The following RFX3 variants were observed in gnomAD, a reference collection of about 807,000 sequenced individuals.
RFX3 encodes regulatory factor X3, also known as transcription factor RFX3.
In RFX3, 14 loss-of-function variants were observed where a neutral mutation model predicts 98.6. The observed-to-expected ratio is 0.14, with a 90% confidence interval of 0.09 to 0.22. The LOEUF (loss-of-function observed/expected upper bound fraction) is 0.22. Among genes scored for constraint, RFX3 ranks in the 10% least tolerant of loss-of-function variants. The pLI is 1.00. For missense variants in RFX3, 639 were observed against 926.9 expected, an observed-to-expected ratio of 0.69 and a Z score of 4.03; for synonymous variants, 383 against 328.4, an observed-to-expected ratio of 1.17 and a Z score of -1.80.
intron 2 of RFX3, among the ~76,000 whole-genome samples, chr9:3,353,836 G>A (rs1229099670): frequency 1.3e-5 from 2 of 151,924 alleles, no homozygotes; most frequent in East Asian, 3.9e-4. Flanking sequence ...CCTGTAATCA[G>A]GAGAAAAATC....
At chr9:3,288,297 A>C in intron 6 of RFX3, 47 bp from the exon 7 acceptor site, 1 of 1,573,716 alleles carries the variant, frequency 6.4e-7, no homozygotes, top group Non-Finnish European at 8.7e-7. Flanking sequence ...CAGTCAAACT[A>C]ATATTAATCA....
chr9:3,319,852 C>T (rs372929258), intron 4 of RFX3, among the ~76,000 whole-genome samples: 19 of 125,204 alleles, frequency 1.5e-4, no homozygotes, highest in African/African-American at 7.1e-4. Context: ...AGTCAGTGAC[C>T]GAAAAAAAAA....
chr9:3,395,245 T>C (rs1217856012), intron 2 of RFX3, among the ~76,000 whole-genome samples: 1 of 152,220 alleles, frequency 6.6e-6, no homozygotes, highest in Non-Finnish European at 1.5e-5. Flanking sequence ...TGTTTGAGAA[T>C]ACAGATTATA....
intron 1 of RFX3, among the ~76,000 whole-genome samples, chr9:3,505,112 ATTTTATT>A (rs1240380051): frequency 1.0e-5 from 1 of 98,364 alleles, no homozygotes; most frequent in African/African-American, 4.2e-5. Context: ...TTTATTTTAT[ATTTTATT>A]TTTATATATT....
chr9:3,467,331 CGTGT>C (rs35413443), intron 1 of RFX3, among the ~76,000 whole-genome samples: 1 of 144,890 alleles, frequency 6.9e-6, no homozygotes, highest in Non-Finnish European at 1.5e-5. Context: ...TGTGTATGTA[CGTGT>C]GTGTGTGTGT....
intron 7 of RFX3, among the ~76,000 whole-genome samples, chr9:3,282,529 A>T (rs991882406): frequency 6.6e-6 from 1 of 151,738 alleles, no homozygotes; most frequent in African/African-American, 2.4e-5. Flanking sequence ...TCATTCATTT[A>T]ACAAATATTT....
chr9:3,288,982 C>T (rs1254533496), intron 6 of RFX3, among the ~76,000 whole-genome samples: 7 of 152,054 alleles, frequency 4.6e-5, no homozygotes, highest in Admixed American at 4.6e-4. Flanking sequence ...AAAAATGTCA[C>T]AATTTCCCCA....
intron 15 of RFX3, among the ~76,000 whole-genome samples, chr9:3,230,640 A>T (rs1818333214): frequency 1.3e-5 from 2 of 152,240 alleles, no homozygotes; most frequent in African/African-American, 4.8e-5. Flanking sequence ...AATGTTCAAA[A>T]CTGAAGGATC....
intron 1 of RFX3, among the ~76,000 whole-genome samples, chr9:3,476,950 C>A (rs972026171): frequency 2.0e-5 from 3 of 151,988 alleles, no homozygotes; most frequent in African/African-American, 7.3e-5. Context: ...TTCAATTTTC[C>A]CCATCTATAA....
At chr9:3,361,403 A>T (rs1836416323) in intron 2 of RFX3, among the ~76,000 whole-genome samples, 1 of 152,162 alleles carries the variant, frequency 6.6e-6, no homozygotes, top group African/African-American at 2.4e-5. Flanking sequence ...GCTAGAAGGG[A>T]AGACACAAGA....
In RFX3 at chr9:3,383,393, G is replaced by A. The variant is rs186918070; in HGVS notation, c.117+12079C>T. Among the ~76,000 whole-genome samples the A allele has an allele frequency of 3.2e-3, 492 of 152,216 alleles. 5 individuals carry two copies. The highest frequency in any genetic ancestry group is 0.011 in the African/African-American group (467 of 41,538). On this transcript the variant is annotated intron_variant, in intron 2 of 16. Coordinates refer to ENST00000617270, the MANE Select transcript of RFX3 (RefSeq NM_001282116.2). ...TCCTTCTTGACATAAAGTAAATTAT[G>A]TTCTTTACCATGGGGTTGCCATGTT...
chr9:3,278,132 CT>C (rs957274480), intron 7 of RFX3, among the ~76,000 whole-genome samples: 1 of 151,702 alleles, frequency 6.6e-6, no homozygotes, highest in African/African-American at 2.4e-5. Context: ...GTCATACAAA[CT>C]TATGTATTTT....
At chr9:3,242,577 C>T (rs1212711107) in intron 15 of RFX3, among the ~76,000 whole-genome samples, 1 of 152,068 alleles carries the variant, frequency 6.6e-6, no homozygotes. Context: ...CTTTAAGCAC[C>T]AATATTTGTT....
At chr9:3,363,045 A>G (rs1277548197) in intron 2 of RFX3, among the ~76,000 whole-genome samples, 1 of 152,236 alleles carries the variant, frequency 6.6e-6, no homozygotes, top group Admixed American at 6.5e-5. Context: ...TATCAGGATT[A>G]TAACACTGTA....
chr9:3,393,974 C>T (rs1425995718), intron 2 of RFX3, among the ~76,000 whole-genome samples: 1 of 152,044 alleles, frequency 6.6e-6, no homozygotes, highest in African/African-American at 2.4e-5. Flanking sequence ...TGCTCTGGAT[C>T]TACAATTCTA....
At chr9:3,525,203 C>T (rs1430643875) in intron 1 of RFX3, among the ~76,000 whole-genome samples, 1 of 152,212 alleles carries the variant, frequency 6.6e-6, no homozygotes, top group African/African-American at 2.4e-5. Context: ...TTAAAAATAA[C>T]AAAACCCATA....
chr9:3,283,777 T>C (rs188952282), intron 7 of RFX3, among the ~76,000 whole-genome samples: 86 of 151,812 alleles, frequency 5.7e-4, no homozygotes, highest in Non-Finnish European at 1.1e-3. Flanking sequence ...AGGCAGGAGG[T>C]GGCACATTTC....
At chr9:3,401,313 T>G (rs527758338) in intron 1 of RFX3, among the ~76,000 whole-genome samples, 2 of 152,330 alleles carry the variant, frequency 1.3e-5, no homozygotes, top group South Asian at 4.1e-4. Flanking sequence ...GACACATTCA[T>G]AGTATTCTGG....
chr9:3,315,943 G>A (rs1263169303), intron 4 of RFX3, among the ~76,000 whole-genome samples: 4 of 152,058 alleles, frequency 2.6e-5, no homozygotes, highest in East Asian at 1.9e-4. Flanking sequence ...TTCTACTAGA[G>A]GTACAAAGAG....
Sources: allele counts gnomAD v4.1 joint callset (sites outside exome capture counted in the v4.1 genomes callset), GRCh38; gene constraint gnomAD v4.1.1; transcripts MANE v1.5; gene names NCBI Gene and HGNC (gene_info 2026-07-23, HGNC 2026-07-21).